The following PRORP variants were observed in gnomAD, a reference collection of about 807,000 sequenced individuals.
PRORP encodes protein only RNase P catalytic subunit, also known as mitochondrial ribonuclease P catalytic subunit.
Under a neutral mutation model 59.4 loss-of-function variants are expected in PRORP, and 51 were observed. The ratio of observed to expected loss-of-function variants is 0.86; its 90% CI spans 0.69 to 1.08. PRORP has a LOEUF of 1.08. Among genes scored for constraint, PRORP ranks in the 50% least tolerant of loss-of-function variants. The probability of loss-of-function intolerance (pLI) is 0.00; values close to 1 mark genes in which losing one functional copy is unlikely to be tolerated. For synonymous variants in PRORP, 231 were observed against 245.6 expected (o/e 0.94, Z 0.55); for missense variants, 646 against 690.3 (o/e 0.94, Z 0.72).
intron 4 of PRORP, among the ~76,000 whole-genome samples, chr14:35,176,727 C>G (rs2048461200): frequency 1.3e-5 from 2 of 152,112 alleles, no homozygotes; most frequent in South Asian, 2.1e-4. Context: ...ATTGAATACC[C>G]TTTATTTCTT....
At chr14:35,203,287 T>TAAATA (rs1176835893) in intron 5 of PRORP, among the ~76,000 whole-genome samples, 15 of 152,194 alleles carry the variant, frequency 9.9e-5, no homozygotes, top group African/African-American at 3.6e-4. Context: ...CAATTGTTTT[T>TAAATA]ATTTAATTGC....
At chr14:35,180,990 T>A (rs1472124209) in intron 5 of PRORP, among the ~76,000 whole-genome samples, 2 of 152,082 alleles carry the variant, frequency 1.3e-5, no homozygotes, top group Non-Finnish European at 2.9e-5. Flanking sequence ...CAATTAAAAG[T>A]GAGGAATTAA....
chr14:35,164,078 G>A (rs1253141362), intron 4 of PRORP, among the ~76,000 whole-genome samples: 1 of 152,156 alleles, frequency 6.6e-6, no homozygotes, highest in Non-Finnish European at 1.5e-5. Flanking sequence ...TCAGTTGTAT[G>A]TGAGTGTGCA....
chr14:35,252,807 CA>C (rs1196945974), intron 5 of PRORP, among the ~76,000 whole-genome samples: 1 of 152,162 alleles, frequency 6.6e-6, no homozygotes, highest in East Asian at 1.9e-4. Context: ...CACATACACA[CA>C]CCTACACACA....
chr14:35,124,312 G>C, intron 2 of PRORP, 81 bp downstream of exon 2: 1 of 927,780 alleles, frequency 1.1e-6, no homozygotes. Context: ...CTGTTGCCCA[G>C]ACTGGAGTGC....
intron 4 of PRORP, among the ~76,000 whole-genome samples, chr14:35,152,077 C>G (rs566722757): frequency 2.0e-5 from 3 of 152,190 alleles, no homozygotes; most frequent in African/African-American, 7.2e-5. Flanking sequence ...GAGGACCCTG[C>G]GGCCCTCCGC....
At position 35,126,619 on chromosome 14, in the gene PRORP, A is replaced by T. The variant is rs1182301071; in HGVS notation, c.987-116A>T. ...CTTTTTAAATTAAACCATTCTACAGAAGTATCTTGAACTTTTCGGACTTCT... is the reference window on the plus strand; with the variant it reads ...CTTTTTAAATTAAACCATTCTACAGTAGTATCTTGAACTTTTCGGACTTCT... On this transcript the variant is annotated intron_variant, in intron 2 of 7. Transcript: ENST00000534898. 7.1e-6 allele frequency: 5 copies of T among 702,468 alleles called. No individual in the cohort carries two copies. In the Admixed American group the frequency reaches 1.4e-4, roughly 20 times the overall value. The allele number at this position is 702,468 out of a possible 1,614,324, so 43.5% of individuals were successfully genotyped here.
rs111886542 is a variant in PRORP at position 35,133,198 on chromosome 14, C to A, written c.1167+5587C>A. 6.6e-5 allele frequency among the ~76,000 whole-genome samples: 10 copies of A among 152,278 alleles called. 1 individual carries two copies. The highest frequency in any genetic ancestry group is 3.3e-4 in the Admixed American group (5 of 15,294). ...CCTCCCAAAGTGATGGGATTACGGGCGTGAGCTACCATGCCCAGCCCTAAC... is the reference window on the plus strand; with the variant it reads ...CCTCCCAAAGTGATGGGATTACGGGAGTGAGCTACCATGCCCAGCCCTAAC... On this transcript the variant is annotated intron_variant, in intron 4 of 7. Transcript: ENST00000534898.
chr14:35,229,850 G>A (rs950274819), intron 5 of PRORP, among the ~76,000 whole-genome samples: 10 of 151,806 alleles, frequency 6.6e-5, no homozygotes, highest in Admixed American at 5.3e-4. Flanking sequence ...TTTCCATTGA[G>A]TTTTCTTTCA....
chr14:35,229,730 G>A (rs544971645), intron 5 of PRORP, among the ~76,000 whole-genome samples: 2 of 152,186 alleles, frequency 1.3e-5, no homozygotes, highest in African/African-American at 4.8e-5. Flanking sequence ...AGAATGATTA[G>A]CAGGTGGGGT....
intron 4 of PRORP, among the ~76,000 whole-genome samples, chr14:35,163,510 T>C (rs999069146): frequency 2.8e-4 from 43 of 152,306 alleles, no homozygotes; most frequent in East Asian, 1.9e-4. Flanking sequence ...ATTTCTCTGA[T>C]GATTAGTGAT....
At chr14:35,253,434 AACAC>A (rs772064348) in intron 5 of PRORP, among the ~76,000 whole-genome samples, 1 of 148,682 alleles carries the variant, frequency 6.7e-6, no homozygotes, top group Non-Finnish European at 1.5e-5. Flanking sequence ...AGAAAAAAGA[AACAC>A]ACACACACAC....
intron 5 of PRORP, among the ~76,000 whole-genome samples, chr14:35,210,911 A>C (rs1286224541): frequency 2.0e-5 from 3 of 151,496 alleles, no homozygotes; most frequent in African/African-American, 7.3e-5. Flanking sequence ...CTACAGGTGC[A>C]TGCTACCACA....
At chr14:35,155,382 A>G (rs986842085) in intron 4 of PRORP, among the ~76,000 whole-genome samples, 2 of 152,010 alleles carry the variant, frequency 1.3e-5, no homozygotes, top group Admixed American at 1.3e-4. Flanking sequence ...TATTCTGTCT[A>G]CTTTTATATA....
intron 5 of PRORP, among the ~76,000 whole-genome samples, chr14:35,186,678 G>A (rs901720989): frequency 1.3e-5 from 2 of 151,104 alleles, no homozygotes; most frequent in Non-Finnish European, 2.9e-5. Context: ...CTGCAGGCTT[G>A]ACCTCCTGGG....
intron 4 of PRORP, among the ~76,000 whole-genome samples, chr14:35,179,572 ATGGTTGTCAGCT>A (rs1357456143): frequency 6.6e-6 from 1 of 152,114 alleles, no homozygotes; most frequent in East Asian, 1.9e-4. Flanking sequence ...TTCTCGTGCC[ATGGTTGTCAGCT>A]CCATCAGGTC....
intron 5 of PRORP, among the ~76,000 whole-genome samples, chr14:35,264,498 T>C (rs1461676727): frequency 6.6e-6 from 1 of 151,836 alleles, no homozygotes; most frequent in African/African-American, 2.4e-5. Flanking sequence ...CCTCAAGCAG[T>C]CCTCCAGTCT....
At chr14:35,228,351 A>G (rs1263545731) in intron 5 of PRORP, among the ~76,000 whole-genome samples, 1 of 152,210 alleles carries the variant, frequency 6.6e-6, no homozygotes, top group East Asian at 1.9e-4. Flanking sequence ...CAGATTTGTT[A>G]CACAGATATA....
At chr14:35,170,901 G>A (rs2048298967) in intron 4 of PRORP, among the ~76,000 whole-genome samples, 2 of 150,752 alleles carry the variant, frequency 1.3e-5, no homozygotes, top group African/African-American at 4.9e-5. Context: ...CCAGGCTGGA[G>A]TGTAATGGCG....
Sources: gnomAD v4.1 joint callset for allele counts (sites outside exome capture counted in the v4.1 genomes callset) on GRCh38, gnomAD v4.1.1 for gene constraint, MANE v1.5 for transcripts, NCBI Gene and HGNC (gene_info 2026-07-23, HGNC 2026-07-21) for gene names.